Variants in ZZZ3 observed in about 807,000 individuals in gnomAD.
ZZZ3 encodes the protein ZZ-type zinc finger-containing protein 3.
Under a neutral mutation model 95.2 loss-of-function variants are expected in ZZZ3, and 22 were observed. The ratio of observed to expected loss-of-function variants is 0.23; its 90% CI spans 0.17 to 0.33. The LOEUF is 0.33. ZZZ3 is among the 10% of genes least tolerant of loss of function. ZZZ3 has a pLI of 1.00. For missense variants in ZZZ3, 885 were observed against 1,066.5 expected, an observed-to-expected ratio of 0.83 and a Z score of 2.37; for synonymous variants, 335 against 358.9, an observed-to-expected ratio of 0.93 and a Z score of 0.75.
intron 1 of ZZZ3, among the ~76,000 whole-genome samples, chr1:77,655,513 TG>T (rs1670190570): frequency 6.6e-6 from 1 of 152,214 alleles, no homozygotes; most frequent in South Asian, 2.1e-4. Context: ...AATCTGCCCT[TG>T]GACTTTTCAA....
At chr1:77,587,286 A>G (rs146834284) in intron 5 of ZZZ3, among the ~76,000 whole-genome samples, 8,841 of 129,822 alleles carry the variant, frequency 0.068, 618 homozygotes, top group African/African-American at 0.18. Flanking sequence ...TTTTTGAGAC[A>G]GAGTCTCGCT....
chr1:77,623,284 A>G (rs1667049533), intron 5 of ZZZ3, among the ~76,000 whole-genome samples: 1 of 152,196 alleles, frequency 6.6e-6, no homozygotes. Context: ...GGGACGGAGT[A>G]TCAAAAAGGA....
intron 1 of ZZZ3, among the ~76,000 whole-genome samples, chr1:77,658,526 T>C (rs558085434): frequency 2.1e-4 from 31 of 148,414 alleles, no homozygotes; most frequent in East Asian, 1.6e-3. Flanking sequence ...TTTTTTTTTT[T>C]TTCTTCTTCT....
At chr1:77,667,054 G>A (rs1038610100) in intron 1 of ZZZ3, among the ~76,000 whole-genome samples, 3 of 152,186 alleles carry the variant, frequency 2.0e-5, no homozygotes, top group Non-Finnish European at 2.9e-5. Context: ...TAATTACTAG[G>A]CTATTAATCA....
At chr1:77,624,489 T>TA (rs11424365) in intron 5 of ZZZ3, among the ~76,000 whole-genome samples, 87,770 of 151,664 alleles carry the variant, frequency 0.58, 27,677 homozygotes, top group Non-Finnish European at 0.71. Flanking sequence ...GAAAAACCCC[T>TA]AAAAGACAAA....
At chr1:77,571,846 C>T (rs981403709) in intron 12 of ZZZ3, among the ~76,000 whole-genome samples, 5 of 152,048 alleles carry the variant, frequency 3.3e-5, no homozygotes, top group Non-Finnish European at 7.4e-5. Context: ...CTCTGGAAAC[C>T]GGTTGCACAA....
chr1:77,575,793 G>C (rs553569197), intron 12 of ZZZ3, among the ~76,000 whole-genome samples: 54 of 152,238 alleles, frequency 3.5e-4, no homozygotes, highest in African/African-American at 1.3e-3. Context: ...GTAATATCTG[G>C]GACTTGCTCC....
intron 1 of ZZZ3, among the ~76,000 whole-genome samples, chr1:77,681,898 TC>T (rs1672794347): frequency 1.5e-5 from 1 of 66,344 alleles, no homozygotes. Flanking sequence ...AGACTCCGTC[TC>T]AAAAAAAAAA....
chr1:77,665,586 AT>A (rs1199127876), intron 1 of ZZZ3, among the ~76,000 whole-genome samples: 1 of 152,220 alleles, frequency 6.6e-6, no homozygotes. Context: ...CACGCTTATG[AT>A]TTTAAGTTTA....
chr1:77,655,151 T>A (rs1316084688), intron 1 of ZZZ3, among the ~76,000 whole-genome samples: 1 of 152,140 alleles, frequency 6.6e-6, no homozygotes, highest in Non-Finnish European at 1.5e-5. Flanking sequence ...CCTCCCATGA[T>A]AACCCATTAA....
chr1:77,661,963 C>CA (rs1670830112), intron 1 of ZZZ3, among the ~76,000 whole-genome samples: 1 of 149,134 alleles, frequency 6.7e-6, no homozygotes, highest in South Asian at 2.1e-4. Context: ...ACTACAGGCA[C>CA]AAGCCATGAT....
At chr1:77,576,739 C>T (rs970056314) in intron 11 of ZZZ3, among the ~76,000 whole-genome samples, 1 of 150,816 alleles carries the variant, frequency 6.6e-6, no homozygotes, top group African/African-American at 2.4e-5. Context: ...TTGGGCCACA[C>T]ATAAAATACA....
chr1:77,638,893 T>C (rs971530192), intron 4 of ZZZ3, among the ~76,000 whole-genome samples: 3 of 152,224 alleles, frequency 2.0e-5, no homozygotes, highest in African/African-American at 7.2e-5. Flanking sequence ...ACCATATCTA[T>C]AATGTTAAAA....
intron 3 of ZZZ3, among the ~76,000 whole-genome samples, chr1:77,639,856 G>C (rs557555046): frequency 6.7e-6 from 1 of 150,134 alleles, no homozygotes; most frequent in East Asian, 1.9e-4. Flanking sequence ...TTTGAACTGA[G>C]TCAAAATGTG....
At chr1:77,618,506 G>T (rs1439212462) in intron 5 of ZZZ3, among the ~76,000 whole-genome samples, 1 of 152,046 alleles carries the variant, frequency 6.6e-6, no homozygotes, top group African/African-American at 2.4e-5. Context: ...AGAAAAACTA[G>T]CCTGTACTGT....
intron 6 of ZZZ3, among the ~76,000 whole-genome samples, chr1:77,583,002 G>A (rs1662683228): frequency 6.6e-6 from 1 of 152,044 alleles, no homozygotes; most frequent in East Asian, 1.9e-4. Context: ...ATACTCAGGA[G>A]GCTGAGGCAG....
intron 1 of ZZZ3, among the ~76,000 whole-genome samples, chr1:77,642,311 T>C (rs1420899595): frequency 6.6e-6 from 1 of 152,134 alleles, no homozygotes; most frequent in African/African-American, 2.4e-5. Flanking sequence ...AACCAGTTTA[T>C]CAGTGAAAAA....
chr1:77,578,560 C>T (rs1431909885), intron 11 of ZZZ3, among the ~76,000 whole-genome samples: 1 of 152,180 alleles, frequency 6.6e-6, no homozygotes, highest in Non-Finnish European at 1.5e-5. Flanking sequence ...CACTCATTCA[C>T]ATTACTCCAA....
chr1:77,598,594 T>C (rs1178769942), intron 5 of ZZZ3, among the ~76,000 whole-genome samples: 1 of 152,154 alleles, frequency 6.6e-6, no homozygotes, highest in Non-Finnish European at 1.5e-5. Flanking sequence ...TATCACAATT[T>C]AAGAGATCCC....
Sources: gnomAD v4.1 joint callset for allele counts (sites outside exome capture counted in the v4.1 genomes callset) on GRCh38, gnomAD v4.1.1 for gene constraint, MANE v1.5 for transcripts, NCBI Gene and HGNC (gene_info 2026-07-23, HGNC 2026-07-21) for gene names.